The following CFHR3 variants were observed in gnomAD, a reference collection of about 807,000 sequenced individuals.
CFHR3 encodes the protein complement factor H related 3.
In CFHR3, 22 loss-of-function variants were observed where a neutral mutation model predicts 36.0. The ratio of observed to expected loss-of-function variants is 0.61; its 90% CI spans 0.44 to 0.87. The LOEUF (loss-of-function observed/expected upper bound fraction) is 0.87. Ranked by LOEUF, CFHR3 falls within the 40% of genes least tolerant of loss-of-function variation. The pLI is 0.00. For synonymous variants in CFHR3, 97 were observed against 137.4 expected, an observed-to-expected ratio of 0.71 and a Z score of 2.06; for missense variants, 276 against 401.3, an observed-to-expected ratio of 0.69 and a Z score of 2.67.
rs1237325716 is a variant in CFHR3 at position 196,792,777 on chromosome 1, T to A, written c.797-540T>A. On this transcript the variant is annotated intron_variant, in intron 5 of 5. Transcript: ENST00000367425. ...ATAACTGATAGATATTGAGGTATAT[T>A]TATGTATGTATGTATGTATGTATAT... 1.5e-5 allele frequency among the ~76,000 whole-genome samples: 2 copies of A among 134,060 alleles called. 1 individual carries two copies. The highest frequency in any genetic ancestry group is 6.3e-5 in the African/African-American group (2 of 31,584). The allele number at this position is 134,060 out of a possible 152,430, so 87.9% of individuals were successfully genotyped here.
rs1309324895 is a variant in CFHR3, at chr1:196,774,882, C to A, written c.-5C>A. 6.6e-7 allele frequency: 1 copy of A among 1,524,398 alleles called. No individual in the cohort carries two copies. The allele number at this position is 1,524,398 out of a possible 1,614,324, so 94.4% of individuals were successfully genotyped here. On this transcript the variant is annotated 5_prime_UTR_variant, in exon 1 of 6. Transcript: ENST00000367425. ...TGTATTAGCATACTACTGAGAATATCTAACATGTTGTTACTAATCAATGTC... is the reference window on the plus strand; with the variant it reads ...TGTATTAGCATACTACTGAGAATATATAACATGTTGTTACTAATCAATGTC...
rs538034373 is a variant in CFHR3, at chr1:196,793,263, A to T, written c.797-54A>T. On this transcript the variant is annotated intron_variant, in intron 5 of 5. Coordinates refer to ENST00000367425, the MANE Select transcript of CFHR3 (RefSeq NM_021023.6). ...TAAACTACTCATTAGGATGCATTTT[A>T]TTTGCTCATGAAAGAGAAAATTATG... 5.7e-6 allele frequency: 8 copies of T among 1,400,062 alleles called. No individual in the cohort carries two copies. In the Admixed American group the frequency reaches 1.5e-4, roughly 27 times the overall value. 86.7% of individuals were successfully genotyped at this position (1,400,062 alleles called of 1,614,324 possible).
intron 1 of CFHR3, among the ~76,000 whole-genome samples, chr1:196,776,256 T>A (rs1049361748): frequency 7.4e-6 from 1 of 135,998 alleles, no homozygotes; most frequent in African/African-American, 3.1e-5. Context: ...ACTTGCCTCC[T>A]CCAATGAACT....
rs1194605136 is a variant in CFHR3 at position 196,787,304 on chromosome 1, G to A, written c.431-912G>A. 3.6e-4 allele frequency among the ~76,000 whole-genome samples: 50 copies of A among 137,150 alleles called. 7 individuals carry two copies. Among genetic ancestry groups the A allele is most frequent in the Middle Eastern group, 3.9e-3 (1 of 256 alleles). The allele number at this position is 137,150 out of a possible 152,430, so 90.0% of individuals were successfully genotyped here. On this transcript the variant is annotated intron_variant, in intron 3 of 5. Coordinates refer to ENST00000367425, the MANE Select transcript of CFHR3 (RefSeq NM_021023.6). Reference sequence around the variant, plus strand: ...GCACTTTGTAGGTATTGAAAATAAAGCTGTTTACAATAGAAACTGAACATT... The same window carrying A: ...GCACTTTGTAGGTATTGAAAATAAAACTGTTTACAATAGAAACTGAACATT...
Position 196,779,802 on chromosome 1 carries a change from T to C in CFHR3, c.259T>C (p.Cys87Arg). 1 of 1,522,082 alleles carries C rather than the reference T, an allele frequency of 6.6e-7. No homozygotes were observed. Among genetic ancestry groups the C allele is most frequent in the Non-Finnish European group, 8.9e-7 (1 of 1,126,426 alleles). The allele number at this position is 1,522,082 out of a possible 1,614,324, so 94.3% of individuals were successfully genotyped here. Residue 87 changes from cysteine (C) to arginine (R), a missense_variant, in exon 3 of 6, where the codon TGT becomes CGT. Physicochemically the swap from Cys to Arg is radical, Grantham distance 180. Coordinates refer to ENST00000367425, the MANE Select transcript of CFHR3 (RefSeq NM_021023.6). ...WSPAVPCLRK[C>R]YFPYLENGYN... is the part of the protein sequence containing the mutation. The stretch of plus-strand genomic sequence containing the variant: ...TATCATTGCTATGTCCTTAGGAAAA[T>C]GTTATTTTCCTTATTTGGAAAATGG...
chr1:196,781,045 C>T (rs1250978496), intron 3 of CFHR3, among the ~76,000 whole-genome samples: 1 of 121,768 alleles, frequency 8.2e-6, no homozygotes, highest in Non-Finnish European at 1.7e-5. Flanking sequence ...AGTGAGAACA[C>T]GTGGTGTTTG....
At chr1:196,783,397 C>A (rs1248464601) in intron 3 of CFHR3, among the ~76,000 whole-genome samples, 5 of 132,646 alleles carry the variant, frequency 3.8e-5, no homozygotes, top group Admixed American at 2.9e-4. Context: ...GCTCCTTGTA[C>A]CTCTGGTAGA....
chr1:196,790,419 A>C (rs1353472694), intron 5 of CFHR3, among the ~76,000 whole-genome samples, 192 bp downstream of exon 5: 1 of 130,192 alleles, frequency 7.7e-6, no homozygotes, highest in Admixed American at 7.5e-5. Context: ...ACAATGACCA[A>C]GTTTCTTTTT....
At position 196,775,610 on chromosome 1, in the gene CFHR3, G is replaced by A. The variant is rs1269645333; in HGVS notation, c.58+666G>A. On this transcript the variant is annotated intron_variant, in intron 1 of 5. Coordinates refer to ENST00000367425, the MANE Select transcript of CFHR3 (RefSeq NM_021023.6). ...AAATATACAGAAAATACTTTTCATA[G>A]CGTTATGTCATTGTTCACTGATTTC... Among the ~76,000 whole-genome samples, 3 of 136,630 alleles carry A rather than the reference G, an allele frequency of 2.2e-5. 1 individual carries two copies. Among genetic ancestry groups the A allele is most frequent in the Non-Finnish European group, 4.7e-5 (3 of 64,282 alleles). The allele number at this position is 136,630 out of a possible 152,430, so 89.6% of individuals were successfully genotyped here. A position where few individuals can be genotyped will look rare whatever the true frequency, so the allele number is the denominator to read the frequency against.
chr1:196,793,440 A>C lies in CFHR3; in HGVS notation c.920A>C (p.Asn307Thr). 6.5e-7 allele frequency: 1 copy of C among 1,527,386 alleles called. No homozygotes were observed. Among genetic ancestry groups the C allele is most frequent in the Non-Finnish European group, 8.9e-7 (1 of 1,129,486 alleles). The allele number at this position is 1,527,386 out of a possible 1,614,324, so 94.6% of individuals were successfully genotyped here. Residue 307 changes from asparagine to threonine, a missense_variant, in exon 6 of 6, where the codon AAT becomes ACT. Physicochemically the swap from Asn to Thr is moderately conservative, Grantham distance 65. Coordinates refer to ENST00000367425, the MANE Select transcript of CFHR3 (RefSeq NM_021023.6). ...GAATTTATGTGTAAATTGGGATATA[A>C]TGCAAATACATCAATTCTATCATTT... ...TIEFMCKLGY[N>T]ANTSILSFQA...
In CFHR3 at chr1:196,775,565, C is replaced by T. The variant is rs1304830915; in HGVS notation, c.58+621C>T. Among the ~76,000 whole-genome samples the T allele has an allele frequency of 1.5e-5, 2 of 137,008 alleles. 1 individual carries two copies. 89.9% of individuals were successfully genotyped at this position (137,008 alleles called of 152,430 possible). Reference sequence around the variant, plus strand: ...GTTTTGATTGGCATTTCTGAGTTCACTAGCAAATGTTCAATAAGTAAATAT... The same window carrying T: ...GTTTTGATTGGCATTTCTGAGTTCATTAGCAAATGTTCAATAAGTAAATAT... On this transcript the variant is annotated intron_variant, in intron 1 of 5. Coordinates refer to ENST00000367425, the MANE Select transcript of CFHR3 (RefSeq NM_021023.6).
chr1:196,785,273 T>C, intron 3 of CFHR3, among the ~76,000 whole-genome samples: 1 of 135,344 alleles, frequency 7.4e-6, no homozygotes, highest in Non-Finnish European at 1.6e-5. Flanking sequence ...AATCTGACAA[T>C]TATGTGTCTT....
At chr1:196,792,634 C>T (rs3104452) in intron 5 of CFHR3, among the ~76,000 whole-genome samples, 2 of 135,154 alleles carry the variant, frequency 1.5e-5, no homozygotes, top group Non-Finnish European at 3.1e-5. Context: ...CATAGTGAGA[C>T]AGAGTAATTT....
chr1:196,795,139 C>T lies in CFHR3; in HGVS notation c.*1626C>T, dbSNP rs989595662. On this transcript the variant is annotated 3_prime_UTR_variant, in exon 6 of 6. Coordinates refer to ENST00000367425, the MANE Select transcript of CFHR3 (RefSeq NM_021023.6). Reference sequence around the variant, plus strand: ...TGGCTGTGTCCCACCCAATTTTCACCTTGAATTATATAATCACCATGCATC... The same window carrying T: ...TGGCTGTGTCCCACCCAATTTTCACTTTGAATTATATAATCACCATGCATC... 7.3e-6 allele frequency: 1 copy of T among 136,974 alleles called. No individual in the cohort carries two copies. The highest frequency in any genetic ancestry group is 1.5e-5 in the Non-Finnish European group (1 of 64,636). 8.5% of individuals were successfully genotyped at this position (136,974 alleles called of 1,614,324 possible). A position where few individuals can be genotyped will look rare whatever the true frequency, so the allele number is the denominator to read the frequency against.
intron 3 of CFHR3, among the ~76,000 whole-genome samples, chr1:196,780,941 T>C (rs1384364906): frequency 1.1e-5 from 1 of 92,640 alleles, no homozygotes; most frequent in Non-Finnish European, 2.1e-5. Context: ...CCTAATACTA[T>C]CCCTCCCCCC....
chr1:196,783,769 A>G (rs145794360), intron 3 of CFHR3, among the ~76,000 whole-genome samples: 2,480 of 135,992 alleles, frequency 0.018, 672 homozygotes, highest in African/African-American at 0.073. Flanking sequence ...TGGATTCATT[A>G]ATTTTTTGAC....
At position 196,783,445 on chromosome 1, in the gene CFHR3, G is replaced by A. The variant is rs1466189408; in HGVS notation, c.430+3472G>A. 1.3e-4 allele frequency among the ~76,000 whole-genome samples: 17 copies of A among 131,578 alleles called. 5 individuals are homozygous for A. Among genetic ancestry groups the A allele is most frequent in the African/African-American group, 5.0e-4 (15 of 29,982 alleles). 86.3% of individuals were successfully genotyped at this position (131,578 alleles called of 152,430 possible). ...ATCCATCTGGTCCTGGACTCTTTTT[G>A]GTTGGTAAGCTATTGATTATTGCCA... On this transcript the variant is annotated intron_variant, in intron 3 of 5. Transcript: ENST00000367425.
chr1:196,789,092 T>A lies in CFHR3; in HGVS notation c.613+694T>A, dbSNP rs1240871849. On this transcript the variant is annotated intron_variant, in intron 4 of 5. Coordinates refer to ENST00000367425, the MANE Select transcript of CFHR3 (RefSeq NM_021023.6). ...GAAATCTTTCAGTGGCAAAAGTTGA[T>A]TTTTTTTCTTTCCTCTTTATATATT... The A allele has an allele frequency of 6.5e-6, 7 of 1,080,672 alleles. 1 individual carries two copies. Among genetic ancestry groups the A allele is most frequent in the Non-Finnish European group, 6.8e-6 (6 of 880,180 alleles). The allele number at this position is 1,080,672 out of a possible 1,614,324, so 66.9% of individuals were successfully genotyped here.
intron 5 of CFHR3, among the ~76,000 whole-genome samples, chr1:196,791,752 A>T (rs1360614877): frequency 1.5e-5 from 2 of 134,052 alleles, no homozygotes; most frequent in Admixed American, 7.2e-5. Context: ...AAAATAGTTT[A>T]CAAGTATCTT....
Sources: gnomAD v4.1 joint callset for allele counts (sites outside exome capture counted in the v4.1 genomes callset) on GRCh38, gnomAD v4.1.1 for gene constraint, MANE v1.5 for transcripts, NCBI Gene and HGNC (gene_info 2026-07-23, HGNC 2026-07-21) for gene names.